SRFBP1: variants seen among roughly 807,000 people sequenced by gnomAD.
SRFBP1 encodes the protein serum response factor-binding protein 1.
Under a neutral mutation model 45.5 loss-of-function variants are expected in SRFBP1, and 47 were observed. The observed-to-expected ratio is 1.03, with a 90% CI of 0.82 to 1.32. The LOEUF is 1.32. Ranked by LOEUF, SRFBP1 falls within the 40% of genes most tolerant of loss-of-function variation. The pLI is 0.00. For missense variants in SRFBP1, 621 were observed against 484.6 expected, an observed-to-expected ratio of 1.28 and a Z score of -2.64; for synonymous variants, 203 against 166.3, an observed-to-expected ratio of 1.22 and a Z score of -1.70.
intron 1 of SRFBP1, among the ~76,000 whole-genome samples, chr5:121,964,822 A>C (rs1330773448): frequency 6.6e-6 from 1 of 152,112 alleles, no homozygotes; most frequent in African/African-American, 2.4e-5. Flanking sequence ...GTGTAAAAGC[A>C]TTCCTGTTTC....
At chr5:121,974,325 T>C in intron 2 of SRFBP1, 41 bp downstream of exon 2, 1 of 1,420,904 alleles carries the variant, frequency 7.0e-7, no homozygotes. Context: ...TAATAAAATG[T>C]CAAAAGTTGT....
In SRFBP1 at chr5:122,048,722, A is replaced by C. The variant is rs549084976; in HGVS notation, n.311+26315A>C. Reference sequence around the variant, plus strand: ...CTATTAATTATTGCCTCAATTTCAGAGCCTGTTATTGGTCTTTTCAGAGAT... The same window carrying C: ...CTATTAATTATTGCCTCAATTTCAGCGCCTGTTATTGGTCTTTTCAGAGAT... On this transcript the variant is annotated intron_variant and non_coding_transcript_variant, in intron 2 of 2. Coordinates refer to the SRFBP1 transcript ENST00000504881. 1.0e-3 allele frequency among the ~76,000 whole-genome samples: 158 copies of C among 152,148 alleles called. 2 individuals carry two copies. Among genetic ancestry groups the C allele is most frequent in the Middle Eastern group, 0.01 (3 of 294 alleles).
At chr5:122,028,946 G>C (rs868399731), downstream of SRFBP1, among the ~76,000 whole-genome samples, 2 of 152,174 alleles carry the variant, frequency 1.3e-5, no homozygotes, top group African/African-American at 4.8e-5. Flanking sequence ...TACAAGTACT[G>C]TTGGACTTTT....
chr5:122,036,047 G>T (rs749047135), intron 2 of SRFBP1, among the ~76,000 whole-genome samples: 1 of 152,228 alleles, frequency 6.6e-6, no homozygotes, highest in African/African-American at 2.4e-5. Flanking sequence ...AAGTATACAG[G>T]AAGGGGTTAA....
In SRFBP1 at chr5:122,020,720, G is replaced by T; in HGVS notation, c.985G>T (p.Asp329Tyr). Reference sequence around the variant, plus strand: ...TGAAACTCATGGGGATACAAGAAATGACAAAATCAAGCCAAGTACAGAAAC... The same window carrying T: ...TGAAACTCATGGGGATACAAGAAATTACAAAATCAAGCCAAGTACAGAAAC... ...TGETHGDTRN[D>Y]KIKPSTETRK... Residue 329 changes from aspartate (D) to tyrosine (Y), a missense_variant, in exon 6 of 8, where the codon GAC (aspartate) becomes TAC (tyrosine). Asp to Tyr is a radical substitution (Grantham distance 160, BLOSUM62 -3). Transcript: ENST00000339397. 6.2e-7 allele frequency: 1 copy of T among 1,611,626 alleles called. No individual in the cohort carries two copies. Among genetic ancestry groups the T allele is most frequent in the South Asian group, 1.1e-5 (1 of 90,238 alleles).
chr5:122,026,653 ATTCCT>A (rs1744863550), intron 7 of SRFBP1, among the ~76,000 whole-genome samples: 1 of 152,164 alleles, frequency 6.6e-6, no homozygotes, highest in Admixed American at 6.5e-5. Context: ...CAACAGAGTG[ATTCCT>A]TTCTTTATGT....
intron 4 of SRFBP1, among the ~76,000 whole-genome samples, chr5:122,002,424 A>G (rs748727471): frequency 8.5e-5 from 13 of 152,156 alleles, no homozygotes; most frequent in Non-Finnish European, 1.5e-4. Flanking sequence ...TAATGGGCTT[A>G]CTCTTTTTGA....
chr5:122,008,479 G>A (rs548673221), intron 4 of SRFBP1, among the ~76,000 whole-genome samples: 5 of 152,268 alleles, frequency 3.3e-5, no homozygotes, highest in South Asian at 2.1e-4. Context: ...CACATGGAAA[G>A]TATTTCTCTC....
intron 2 of SRFBP1, among the ~76,000 whole-genome samples, chr5:122,052,337 T>C (rs1754002773): frequency 6.6e-6 from 1 of 152,242 alleles, no homozygotes; most frequent in Non-Finnish European, 1.5e-5. Flanking sequence ...TTCTGAAATA[T>C]GTTTTTCAAG....
chr5:122,063,595 C>T (rs1754222986), intron 2 of SRFBP1: 1 of 151,864 alleles, frequency 6.6e-6, no homozygotes. Context: ...TGAGACTTAA[C>T]TCACTGATTG....
In SRFBP1 at chr5:122,005,439, C is replaced by G. The variant is rs77987556; in HGVS notation, c.270+10769C>G. ...CAATTTTTGATTTTGTCTTTTTTAA[C>G]TGAGTATAGTTACTCCTACTGTCTT... On this transcript the variant is annotated intron_variant, in intron 4 of 7. Coordinates refer to ENST00000339397, the MANE Select transcript of SRFBP1 (RefSeq NM_152546.3). Among the ~76,000 whole-genome samples, 765 of 152,232 alleles carry G rather than the reference C, an allele frequency of 5.0e-3. 10 individuals are homozygous for G. Among genetic ancestry groups the G allele is most frequent in the African/African-American group, 0.017 (723 of 41,558 alleles).
At chr5:121,998,374 A>G (rs1340003433) in intron 4 of SRFBP1, among the ~76,000 whole-genome samples, 1 of 147,468 alleles carries the variant, frequency 6.8e-6, no homozygotes, top group Non-Finnish European at 1.5e-5. Context: ...AGGGACATGG[A>G]TGAAATTGGA....
intron 2 of SRFBP1, among the ~76,000 whole-genome samples, chr5:122,052,366 T>A (rs1447720365): frequency 1.3e-5 from 2 of 152,244 alleles, no homozygotes; most frequent in Non-Finnish European, 2.9e-5. Flanking sequence ...ATTCTCCCCA[T>A]CTCTTTCAGG....
At chr5:122,061,484 T>C (rs1754168353) in intron 2 of SRFBP1, among the ~76,000 whole-genome samples, 1 of 152,072 alleles carries the variant, frequency 6.6e-6, no homozygotes, top group African/African-American at 2.4e-5. Context: ...ATTGTAAATA[T>C]ATGAATACAT....
intron 4 of SRFBP1, among the ~76,000 whole-genome samples, chr5:122,003,130 C>G (rs971873255): frequency 6.6e-6 from 1 of 152,050 alleles, no homozygotes; most frequent in African/African-American, 2.4e-5. Flanking sequence ...ATCACTTGAG[C>G]CCCGGAGTTC....
chr5:121,980,332 T>C (rs1024774188), intron 3 of SRFBP1, among the ~76,000 whole-genome samples: 1 of 152,186 alleles, frequency 6.6e-6, no homozygotes, highest in Non-Finnish European at 1.5e-5. Flanking sequence ...TGGCACTTGA[T>C]TTAAGTGCCA....
chr5:122,062,284 G>T (rs1754183879), intron 2 of SRFBP1, among the ~76,000 whole-genome samples: 1 of 151,944 alleles, frequency 6.6e-6, no homozygotes, highest in Admixed American at 6.6e-5. Flanking sequence ...TTAAAAAGGA[G>T]TATGGGGAAA....
chr5:121,975,028 TA>T (rs372931203), intron 2 of SRFBP1, among the ~76,000 whole-genome samples: 107 of 152,032 alleles, frequency 7.0e-4, no homozygotes, highest in African/African-American at 2.3e-3. Flanking sequence ...TTGATTGATT[TA>T]AAAAAGTGTT....
intron 2 of SRFBP1, among the ~76,000 whole-genome samples, chr5:122,045,475 TTCTA>T (rs1317312723): frequency 2.3e-4 from 35 of 152,350 alleles, no homozygotes; most frequent in African/African-American, 8.4e-4. Context: ...TATTGATTCT[TTCTA>T]TCCATGAGCA....
Sources: allele counts gnomAD v4.1 joint callset (sites outside exome capture counted in the v4.1 genomes callset), GRCh38; gene constraint gnomAD v4.1.1; transcripts MANE v1.5; gene names NCBI Gene and HGNC (gene_info 2026-07-23, HGNC 2026-07-21).